OLA1: variants seen among roughly 807,000 people sequenced by gnomAD.
OLA1 encodes Obg like ATPase 1.
A neutral mutation model predicts 48.4 loss-of-function variants in OLA1; 14 were observed. The ratio of observed to expected loss-of-function variants is 0.29; its 90% CI spans 0.19 to 0.45. The LOEUF (loss-of-function observed/expected upper bound fraction) is 0.45. Ranked by LOEUF, OLA1 falls within the 20% of genes least tolerant of loss-of-function variation. The probability of loss-of-function intolerance (pLI) is 1.00; values close to 1 mark genes in which losing one functional copy is unlikely to be tolerated. For synonymous variants in OLA1, 127 were observed against 150.4 expected (o/e 0.84, Z 1.14); for missense variants, 325 against 467.1 (o/e 0.70, Z 2.80).
rs946365984 is a variant in OLA1 at position 174,105,916 on chromosome 2, C to T, written c.728+17264G>A. 1.3e-4 allele frequency among the ~76,000 whole-genome samples: 20 copies of T among 152,000 alleles called. 1 individual carries two copies. The highest frequency in any genetic ancestry group is 2.1e-4 in the South Asian group (1 of 4,830). On this transcript the variant is annotated intron_variant, in intron 7 of 10. Transcript: ENST00000284719. Reference sequence around the variant, plus strand: ...TGAGCATTTCAATATTTTCCGTAAACGGCAACAATTAAGCTAGGTACATAC... The same window carrying T: ...TGAGCATTTCAATATTTTCCGTAAATGGCAACAATTAAGCTAGGTACATAC...
At chr2:174,173,446 C>CT (rs889740502) in intron 4 of OLA1, among the ~76,000 whole-genome samples, 1 of 152,024 alleles carries the variant, frequency 6.6e-6, no homozygotes, top group Non-Finnish European at 1.5e-5. Flanking sequence ...ATTTTTAAGC[C>CT]TTTTTTTCTC....
Position 174,159,670 on chromosome 2 carries a change from A to C in OLA1, c.374-17670T>G, listed in dbSNP as rs1451224691. ...TATAATAAATAAAATGATTAACATTACTTCTAAAATGGGGAGTATTACAAT... is the reference window on the plus strand; with the variant it reads ...TATAATAAATAAAATGATTAACATTCCTTCTAAAATGGGGAGTATTACAAT... On this transcript the variant is annotated intron_variant, in intron 4 of 10. Coordinates refer to ENST00000284719, the MANE Select transcript of OLA1 (RefSeq NM_013341.5). 2.6e-5 allele frequency among the ~76,000 whole-genome samples: 4 copies of C among 152,266 alleles called. No individual in the cohort carries two copies. The East Asian group carries it at 7.7e-4, about 29-fold the overall frequency.
chr2:174,157,991 A>C (rs1315154951), intron 4 of OLA1, among the ~76,000 whole-genome samples: 1 of 152,206 alleles, frequency 6.6e-6, no homozygotes, highest in African/African-American at 2.4e-5. Flanking sequence ...AAGCAACCAC[A>C]TCCTTTGGGA....
At chr2:174,246,385 G>A (rs1329062061) in intron 2 of OLA1, among the ~76,000 whole-genome samples, 2 of 151,782 alleles carry the variant, frequency 1.3e-5, no homozygotes, top group African/African-American at 2.4e-5. Flanking sequence ...CTTTATAACA[G>A]CAAACCTTTT....
chr2:174,081,803 G>A, intron 8 of OLA1, 121 bp downstream of exon 8: 2 of 951,248 alleles, frequency 2.1e-6, no homozygotes, highest in Non-Finnish European at 3.2e-6. Flanking sequence ...AAAGAAAGGA[G>A]AAGATTCCCT....
At chr2:174,197,175 T>C (rs939744045) in intron 4 of OLA1, among the ~76,000 whole-genome samples, 1 of 152,088 alleles carries the variant, frequency 6.6e-6, no homozygotes. Context: ...TAGGCATAAA[T>C]AGGTTAATTG....
chr2:174,092,987 C>G lies in OLA1; in HGVS notation c.729-10923G>C, dbSNP rs944055990. 2.6e-5 allele frequency among the ~76,000 whole-genome samples: 4 copies of G among 152,194 alleles called. No homozygotes were observed. In the East Asian group the frequency reaches 7.7e-4, roughly 29 times the overall value. ...CACTGTGAATGTACAAAACAAGCAC[C>G]TCAAACTTTTAGATCATTCCCGAAT... is the stretch of plus-strand genomic sequence containing the variant. On this transcript the variant is annotated intron_variant, in intron 7 of 10. Coordinates refer to ENST00000284719, the MANE Select transcript of OLA1 (RefSeq NM_013341.5).
intron 3 of OLA1, among the ~76,000 whole-genome samples, chr2:174,227,123 G>A (rs945517803): frequency 1.3e-5 from 2 of 151,604 alleles, no homozygotes; most frequent in Admixed American, 1.3e-4. Context: ...AGAAAAGAAA[G>A]GCCAGGCACA....
intron 4 of OLA1, among the ~76,000 whole-genome samples, chr2:174,199,882 C>G (rs1409572539): frequency 1.3e-5 from 2 of 152,160 alleles, no homozygotes; most frequent in Non-Finnish European, 2.9e-5. Flanking sequence ...AACCACATAT[C>G]TGAGGCCAGG....
chr2:174,229,190 T>C (rs1327530775), intron 3 of OLA1, 118 bp downstream of exon 3: 3 of 1,098,644 alleles, frequency 2.7e-6, no homozygotes, highest in Non-Finnish European at 4.0e-6. Context: ...ATGACTTTTA[T>C]AATCACCCAA....
chr2:174,155,199 T>C (rs564878631), intron 4 of OLA1, among the ~76,000 whole-genome samples: 105 of 152,270 alleles, frequency 6.9e-4, no homozygotes, highest in African/African-American at 2.4e-3. Flanking sequence ...AGTGTCTTTC[T>C]AGTTCCCACA....
At chr2:174,151,917 T>A (rs899565835) in intron 4 of OLA1, among the ~76,000 whole-genome samples, 1 of 152,184 alleles carries the variant, frequency 6.6e-6, no homozygotes, top group Admixed American at 6.5e-5. Context: ...AAAGCTCTGA[T>A]TTGAAAATAT....
intron 5 of OLA1, among the ~76,000 whole-genome samples, chr2:174,137,729 A>T (rs1401976932): frequency 1.3e-5 from 2 of 152,226 alleles, no homozygotes; most frequent in Non-Finnish European, 2.9e-5. Context: ...GTAAGCTTCC[A>T]ACTTTTCTTC....
chr2:174,167,604 AT>A (rs1235154054), intron 4 of OLA1, among the ~76,000 whole-genome samples: 1 of 152,224 alleles, frequency 6.6e-6, no homozygotes, highest in African/African-American at 2.4e-5. Context: ...CCTTATAATT[AT>A]CAGTTATTCA....
intron 4 of OLA1, among the ~76,000 whole-genome samples, chr2:174,179,298 A>G (rs1452039860): frequency 1.3e-5 from 2 of 151,892 alleles, no homozygotes; most frequent in African/African-American, 2.4e-5. Flanking sequence ...ACAACACATC[A>G]AAGTTTAAAT....
At chr2:174,091,907 A>AAAAAAAAC (rs1685123995) in intron 7 of OLA1, among the ~76,000 whole-genome samples, 1 of 125,380 alleles carries the variant, frequency 8.0e-6, no homozygotes, top group Admixed American at 8.6e-5. Context: ...AAAAAAAAAA[A>AAAAAAAAC]GCCTCTCCCT....
chr2:174,163,040 TCAAA>T (rs1269171340), intron 4 of OLA1, among the ~76,000 whole-genome samples: 1 of 151,830 alleles, frequency 6.6e-6, no homozygotes, highest in African/African-American at 2.4e-5. Flanking sequence ...TGAGACTGTC[TCAAA>T]CAAAGAAAAG....
intron 5 of OLA1, among the ~76,000 whole-genome samples, chr2:174,137,359 T>C (rs573566070): frequency 2.1e-3 from 304 of 146,930 alleles, no homozygotes; most frequent in Middle Eastern, 0.011. Context: ...TCCACTTATA[T>C]AGCACAGGCA....
chr2:174,207,952 T>C (rs988875152), intron 4 of OLA1, among the ~76,000 whole-genome samples: 1 of 152,166 alleles, frequency 6.6e-6, no homozygotes, highest in Non-Finnish European at 1.5e-5. Flanking sequence ...ATGCAAAATA[T>C]AGGCACTCGT....
Sources: gnomAD v4.1 joint callset for allele counts (sites outside exome capture counted in the v4.1 genomes callset) on GRCh38, gnomAD v4.1.1 for gene constraint, MANE v1.5 for transcripts, NCBI Gene and HGNC (gene_info 2026-07-23, HGNC 2026-07-21) for gene names.